Variants in ATRNL1 observed in about 807,000 individuals in gnomAD.
The protein encoded by ATRNL1 is attractin-like protein 1.
A neutral mutation model predicts 182.7 loss-of-function variants in ATRNL1; 95 were observed. The observed-to-expected ratio is 0.52, with a 90% CI of 0.44 to 0.62. ATRNL1 has a LOEUF of 0.62. ATRNL1 is among the 20% of genes least tolerant of loss of function. ATRNL1 has a pLI of 0.00. For synonymous variants in ATRNL1, 576 were observed against 568.3 expected (o/e 1.01, Z -0.19); for missense variants, 1,471 against 1,679.5 (o/e 0.88, Z 2.17).
chr10:115,438,138 A>G (rs1232774103), intron 21 of ATRNL1, among the ~76,000 whole-genome samples: 1 of 152,022 alleles, frequency 6.6e-6, no homozygotes, highest in African/African-American at 2.4e-5. Context: ...ACAATTCAAA[A>G]TTTATATCTA....
At chr10:115,613,525 T>A (rs1181455176) in intron 26 of ATRNL1, among the ~76,000 whole-genome samples, 1 of 152,184 alleles carries the variant, frequency 6.6e-6, no homozygotes, top group Non-Finnish European at 1.5e-5. Flanking sequence ...AGTTTCAGGC[T>A]AATGCTAGCC....
intron 28 of ATRNL1, among the ~76,000 whole-genome samples, chr10:115,902,186 C>A (rs762998156): frequency 6.6e-5 from 10 of 152,108 alleles, no homozygotes; most frequent in African/African-American, 2.4e-4. Flanking sequence ...GTTGCTTCAT[C>A]TTAAAAGGCG....
chr10:115,830,018 A>G (rs1950524332), intron 27 of ATRNL1, among the ~76,000 whole-genome samples: 1 of 152,230 alleles, frequency 6.6e-6, no homozygotes, highest in Non-Finnish European at 1.5e-5. Context: ...CTATTACCTC[A>G]TCAGCAGACC....
At position 115,574,293 on chromosome 10, in the gene ATRNL1, GAT is replaced by G. The variant is rs558190732; in HGVS notation, c.3795+24766_3795+24767del. Among the ~76,000 whole-genome samples, 1,034 of 150,066 alleles carry G rather than the reference GAT, an allele frequency of 6.9e-3. 11 individuals are homozygous for G. The highest frequency in any genetic ancestry group is 0.024 in the African/African-American group (977 of 40,900). ...ACATGTATATATCTATAACTATGCAGATATATATATCTACATATGTACAAGTA... is the reference window on the plus strand; with the variant it reads ...ACATGTATATATCTATAACTATGCAGATATATATCTACATATGTACAAGTA... On this transcript the variant is annotated intron_variant, in intron 26 of 28. Coordinates refer to ENST00000355044, the MANE Select transcript of ATRNL1 (RefSeq NM_207303.4).
intron 8 of ATRNL1, among the ~76,000 whole-genome samples, chr10:115,180,047 T>C (rs1847688792): frequency 6.6e-6 from 1 of 152,058 alleles, no homozygotes; most frequent in African/African-American, 2.4e-5. Context: ...TATTATGCTA[T>C]CAATGTAGAA....
chr10:115,336,189 G>T (rs1855473009), intron 19 of ATRNL1, among the ~76,000 whole-genome samples: 1 of 152,144 alleles, frequency 6.6e-6, no homozygotes, highest in Non-Finnish European at 1.5e-5. Context: ...GTTAGAGTAA[G>T]AAAATGTCTC....
At chr10:115,134,008 G>C (rs373453441) in intron 5 of ATRNL1, among the ~76,000 whole-genome samples, 1 of 151,820 alleles carries the variant, frequency 6.6e-6, no homozygotes, top group South Asian at 2.1e-4. Flanking sequence ...TGAGAACAAA[G>C]ACACACAATC....
intron 27 of ATRNL1, among the ~76,000 whole-genome samples, chr10:115,806,870 A>G (rs1949931508): frequency 6.6e-6 from 1 of 152,162 alleles, no homozygotes; most frequent in Non-Finnish European, 1.5e-5. Context: ...AGTACCTGGT[A>G]TATACAAAGT....
chr10:115,875,955 C>G (rs1317735591), intron 28 of ATRNL1, among the ~76,000 whole-genome samples: 1 of 152,086 alleles, frequency 6.6e-6, no homozygotes, highest in Non-Finnish European at 1.5e-5. Flanking sequence ...CAGGCAAAGA[C>G]TAAAAGGATG....
chr10:115,864,844 T>C (rs1343431572), intron 28 of ATRNL1, among the ~76,000 whole-genome samples: 1 of 151,824 alleles, frequency 6.6e-6, no homozygotes, highest in East Asian at 1.9e-4. Flanking sequence ...TAGCCAGGCG[T>C]GGTGGCAGGT....
At chr10:115,216,684 CT>C (rs552066498) in intron 9 of ATRNL1, among the ~76,000 whole-genome samples, 27 of 151,564 alleles carry the variant, frequency 1.8e-4, no homozygotes, top group Middle Eastern at 3.4e-3. Flanking sequence ...TGGGAAATGA[CT>C]TTTTTTTCTT....
intron 1 of ATRNL1, among the ~76,000 whole-genome samples, chr10:115,103,381 G>T (rs1206312828): frequency 4.6e-5 from 7 of 151,890 alleles, no homozygotes; most frequent in African/African-American, 7.3e-5. Context: ...GTTCTTTAAG[G>T]CTATTGTAGT....
At chr10:115,496,348 G>A (rs1243411477) in intron 24 of ATRNL1, among the ~76,000 whole-genome samples, 1 of 152,086 alleles carries the variant, frequency 6.6e-6, no homozygotes. Flanking sequence ...TCCAGATTTA[G>A]CACTCCTTAA....
chr10:115,812,294 G>T (rs571505274), intron 27 of ATRNL1, among the ~76,000 whole-genome samples: 2 of 152,208 alleles, frequency 1.3e-5, no homozygotes, highest in South Asian at 4.1e-4. Flanking sequence ...GTATGGTTGG[G>T]ATAAAATCTA....
intron 5 of ATRNL1, among the ~76,000 whole-genome samples, chr10:115,158,436 A>G (rs1395782279): frequency 2.0e-5 from 3 of 152,082 alleles, no homozygotes; most frequent in African/African-American, 7.2e-5. Context: ...AGTTACTGTA[A>G]TTAAATTAAA....
chr10:115,713,182 A>AC (rs774794757), intron 26 of ATRNL1, among the ~76,000 whole-genome samples: 37 of 152,258 alleles, frequency 2.4e-4, no homozygotes, highest in Middle Eastern at 3.4e-3. Flanking sequence ...GTAGAGAGTG[A>AC]CCTTGAGCTT....
At chr10:115,231,816 A>G (rs1554900075) in intron 9 of ATRNL1, among the ~76,000 whole-genome samples, 1 of 152,072 alleles carries the variant, frequency 6.6e-6, no homozygotes, top group African/African-American at 2.4e-5. Flanking sequence ...TTATTTTCTC[A>G]GTGAAGTAGG....
intron 28 of ATRNL1, among the ~76,000 whole-genome samples, chr10:115,874,923 A>G (rs2927372): frequency 0.88 from 134,688 of 152,208 alleles, 61,828 homozygotes; most frequent in East Asian, 1. Context: ...TTAAATGCAC[A>G]GTTTTGAGGA....
At chr10:115,921,808 A>G (rs774877974) in intron 28 of ATRNL1, among the ~76,000 whole-genome samples, 2 of 152,232 alleles carry the variant, frequency 1.3e-5, no homozygotes, top group African/African-American at 2.4e-5. Flanking sequence ...TCATTTTTAC[A>G]TGGGATTATC....
Sources: allele counts gnomAD v4.1 joint callset (sites outside exome capture counted in the v4.1 genomes callset), GRCh38; gene constraint gnomAD v4.1.1; transcripts MANE v1.5; gene names NCBI Gene and HGNC (gene_info 2026-07-23, HGNC 2026-07-21).